Variants in DMXL1 observed in about 807,000 individuals in gnomAD.
DMXL1 encodes the protein Dmx like 1, also known as dmX-like protein 1.
Under a neutral mutation model 319.2 loss-of-function variants are expected in DMXL1, and 99 were observed. The observed-to-expected ratio is 0.31, with a 90% CI of 0.26 to 0.37. The LOEUF (loss-of-function observed/expected upper bound fraction) is 0.37. Among genes scored for constraint, DMXL1 ranks in the 10% least tolerant of loss-of-function variants. The probability of loss-of-function intolerance (pLI) is 1.00; values close to 1 mark genes in which losing one functional copy is unlikely to be tolerated. For synonymous variants in DMXL1, 1,385 were observed against 1,235.2 expected (o/e 1.12, Z -2.54); for missense variants, 3,745 against 3,595.6 (o/e 1.04, Z -1.06).
chr5:119,079,338 G>C (rs1751676391), intron 1 of DMXL1, among the ~76,000 whole-genome samples: 1 of 152,136 alleles, frequency 6.6e-6, no homozygotes, highest in African/African-American at 2.4e-5. Context: ...AATTGTCCAG[G>C]GTTAATCAGT....
intron 35 of DMXL1, among the ~76,000 whole-genome samples, chr5:119,217,943 A>G (rs1783976641): frequency 6.6e-6 from 1 of 152,062 alleles, no homozygotes; most frequent in Non-Finnish European, 1.5e-5. Context: ...ATGACTGGCT[A>G]AAGGGCTGAT....
At chr5:119,125,259 C>A (rs890541821) in intron 9 of DMXL1, among the ~76,000 whole-genome samples, 1 of 152,000 alleles carries the variant, frequency 6.6e-6, no homozygotes, top group Non-Finnish European at 1.5e-5. Flanking sequence ...GACTTTTTTT[C>A]TCTTCTAGTG....
intron 1 of DMXL1, among the ~76,000 whole-genome samples, chr5:119,080,786 C>T (rs1314871421): frequency 6.6e-6 from 1 of 152,204 alleles, no homozygotes; most frequent in East Asian, 1.9e-4. Context: ...TCTCTCATCA[C>T]TTTTCCTCCT....
chr5:119,100,428 T>C (rs1756987038), intron 2 of DMXL1, among the ~76,000 whole-genome samples: 1 of 149,640 alleles, frequency 6.7e-6, no homozygotes, highest in South Asian at 2.1e-4. Context: ...AGTGTGAGAC[T>C]CCGTCTCATA....
chr5:119,119,848 T>G (rs1761652778), intron 8 of DMXL1, among the ~76,000 whole-genome samples: 1 of 151,694 alleles, frequency 6.6e-6, no homozygotes, highest in Non-Finnish European at 1.5e-5. Context: ...GTGATTTTAT[T>G]TTTTGTGGAT....
chr5:119,244,262 A>T, intron 42 of DMXL1, 97 bp from the exon 43 acceptor site: 3 of 848,822 alleles, frequency 3.5e-6, no homozygotes, highest in Non-Finnish European at 3.6e-6. Context: ...TTCAGGCAGG[A>T]TTGCAAATCT....
At chr5:119,083,112 G>A (rs1165392303) in intron 1 of DMXL1, among the ~76,000 whole-genome samples, 6 of 152,046 alleles carry the variant, frequency 3.9e-5, no homozygotes, top group Non-Finnish European at 5.9e-5. Flanking sequence ...CCAGGTTCAG[G>A]CGATTGTTGT....
chr5:119,159,411 G>C (rs992389934), intron 19 of DMXL1, among the ~76,000 whole-genome samples: 12 of 152,126 alleles, frequency 7.9e-5, no homozygotes, highest in Non-Finnish European at 1.2e-4. Flanking sequence ...GGGAAACTTT[G>C]TATTACTGAT....
chr5:119,129,045 A>C (rs765066026), intron 9 of DMXL1, among the ~76,000 whole-genome samples, 166 bp from the exon 10 acceptor site: 1 of 152,192 alleles, frequency 6.6e-6, no homozygotes, highest in Non-Finnish European at 1.5e-5. Context: ...CAACAGAGCG[A>C]AACTCTGTCT....
At chr5:119,126,545 T>G (rs1412876821) in intron 9 of DMXL1, among the ~76,000 whole-genome samples, 2 of 152,196 alleles carry the variant, frequency 1.3e-5, no homozygotes, top group Non-Finnish European at 2.9e-5. Flanking sequence ...GGAAGTGTAC[T>G]TAGAGCTGTT....
intron 28 of DMXL1, among the ~76,000 whole-genome samples, chr5:119,179,394 CCTGACGTTTACA>C (rs1417338380): frequency 6.6e-6 from 1 of 151,206 alleles, no homozygotes; most frequent in Non-Finnish European, 1.5e-5. Context: ...TCACTTCTTC[CCTGACGTTTACA>C]CTGAACATAT....
chr5:119,238,550 T>C (rs1424794266), intron 40 of DMXL1, among the ~76,000 whole-genome samples: 1 of 152,174 alleles, frequency 6.6e-6, no homozygotes, highest in Admixed American at 6.5e-5. Context: ...AAAAGTCTGG[T>C]ATCATCTAAA....
intron 32 of DMXL1, among the ~76,000 whole-genome samples, chr5:119,198,544 T>C (rs1780073766): frequency 1.3e-5 from 2 of 152,204 alleles, no homozygotes; most frequent in African/African-American, 4.8e-5. Context: ...GAGGAAAGTT[T>C]ATAGCACTAA....
intron 29 of DMXL1, among the ~76,000 whole-genome samples, chr5:119,192,290 T>C (rs1778832307): frequency 6.6e-6 from 1 of 152,236 alleles, no homozygotes; most frequent in Non-Finnish European, 1.5e-5. Flanking sequence ...CGAGTTTTAC[T>C]CTGAATTGCA....
At chr5:119,097,947 C>G in intron 1 of DMXL1, 32 bp from the exon 2 acceptor site, 1 of 1,545,954 alleles carries the variant, frequency 6.5e-7, no homozygotes, top group Non-Finnish European at 8.8e-7. Context: ...TTCCTTGACA[C>G]TTTTATCATT....
At position 119,170,476 on chromosome 5, in the gene DMXL1, T is replaced by C. The variant is rs1774325056; in HGVS notation, c.5685T>C (p.Ser1895=). The C allele has an allele frequency of 3.7e-6, 6 of 1,613,822 alleles. No homozygotes were observed. Among genetic ancestry groups the C allele is most frequent in the Non-Finnish European group, 4.2e-6 (5 of 1,179,912 alleles). ...IKKTRPFYRA[S]SFLDTSKDCS... ...AAACAAGACCTTTTTATAGGGCTTC[T>C]AGTTTTCTGGATACTAGTAAAGACT... Residue 1895 remains serine, a synonymous_variant, in exon 24 of 44, where the codon TCT becomes TCC. Transcript: ENST00000539542.
chr5:119,108,276 ATT>A, intron 4 of DMXL1, among the ~76,000 whole-genome samples: 1 of 152,264 alleles, frequency 6.6e-6, no homozygotes, highest in Non-Finnish European at 1.5e-5. Flanking sequence ...TGCCATCTTT[ATT>A]GTCAGCTTTT....
intron 19 of DMXL1, 65 bp from the exon 20 acceptor site, chr5:119,164,442 C>T: frequency 1.4e-6 from 2 of 1,382,380 alleles, no homozygotes; most frequent in South Asian, 2.7e-5. Context: ...ATGGAACATA[C>T]ATTTCTGATA....
At chr5:119,183,777 G>A (rs1484252326) in intron 28 of DMXL1, among the ~76,000 whole-genome samples, 1 of 152,024 alleles carries the variant, frequency 6.6e-6, no homozygotes, top group Non-Finnish European at 1.5e-5. Flanking sequence ...ATTTTTGTTA[G>A]ACTTTTCATT....
Sources: allele counts gnomAD v4.1 joint callset (sites outside exome capture counted in the v4.1 genomes callset), GRCh38; gene constraint gnomAD v4.1.1; transcripts MANE v1.5; gene names NCBI Gene and HGNC (gene_info 2026-07-23, HGNC 2026-07-21).